Variants in KRABD4 observed in about 807,000 individuals in gnomAD.
KRABD4 encodes KRAB domain-containing protein 4.
At chrX:46,449,065 A>G in the KRABD4 span, among the ~76,000 whole-genome samples, 2 of 112,386 alleles carry the variant, frequency 1.8e-5, no homozygotes, top group Non-Finnish European at 3.8e-5. Flanking sequence ...TACTGTCACA[A>G]TGATTGTTGC....
the KRABD4 span, chrX:46,450,496 T>C: frequency 8.3e-7 from 1 of 1,198,247 alleles, no homozygotes; most frequent in Non-Finnish European, 1.1e-6. Context: ...AATTTACCCA[T>C]ACTTTGTTTC....
the KRABD4 span, chrX:46,473,882 A>C: frequency 8.1e-6 from 1 of 123,577 alleles, no homozygotes; most frequent in Admixed American, 8.0e-5. Context: ...TGAACTCCTG[A>C]CCTCAAGTGA....
chrX:46,465,445 C>T, the KRABD4 span, among the ~76,000 whole-genome samples: 95 of 113,043 alleles, frequency 8.4e-4, no homozygotes, highest in Non-Finnish European at 1.4e-3. Context: ...ACTGTGTACA[C>T]ATTGGTTGGC....
chrX:46,473,262 C>G, the KRABD4 span: 17 of 1,182,226 alleles, frequency 1.4e-5, no homozygotes, highest in East Asian at 5.2e-4. Flanking sequence ...ATGAATGCTG[C>G]GAATGTGCAA....
chrX:46,455,825 A>G, the KRABD4 span: 1 of 346,204 alleles, frequency 2.9e-6, no homozygotes, highest in Non-Finnish European at 5.3e-6. Flanking sequence ...TCTTCCAAAC[A>G]GGCATAGTAA....
At chrX:46,465,835 G>A in the KRABD4 span, among the ~76,000 whole-genome samples, 3 of 111,593 alleles carry the variant, frequency 2.7e-5, no homozygotes, top group Non-Finnish European at 5.6e-5. Context: ...GGAAATAGGA[G>A]ACGGCAATGA....
chrX:46,449,641 C>A, the KRABD4 span, among the ~76,000 whole-genome samples: 1 of 112,409 alleles, frequency 8.9e-6, no homozygotes, highest in African/African-American at 3.2e-5. Flanking sequence ...TGCTTTTAAA[C>A]ACATTAGGAA....
chrX:46,462,658 G>A, the KRABD4 span: 3 of 1,199,962 alleles, frequency 2.5e-6, no homozygotes, highest in East Asian at 8.9e-5. Flanking sequence ...CTCCTAGAGG[G>A]CACAGAGTAA....
the KRABD4 span, chrX:46,472,864 C>T: frequency 8.3e-7 from 1 of 1,211,473 alleles, no homozygotes; most frequent in Non-Finnish European, 1.1e-6. Context: ...GGTCAAGAAT[C>T]CAGAACATGT....
At chrX:46,461,129 C>G in the KRABD4 span, among the ~76,000 whole-genome samples, 1 of 109,351 alleles carries the variant, frequency 9.1e-6, no homozygotes, top group Non-Finnish European at 1.9e-5. Context: ...AAAATTGACT[C>G]TGGATTGGTA....
chrX:46,449,385 A>G, the KRABD4 span, among the ~76,000 whole-genome samples: 1 of 111,688 alleles, frequency 9.0e-6, no homozygotes, highest in Non-Finnish European at 1.9e-5. Flanking sequence ...ACTTATACAC[A>G]CTTGCAGAGG....
chrX:46,457,924 T>C, the KRABD4 span, among the ~76,000 whole-genome samples: 1 of 110,482 alleles, frequency 9.1e-6, no homozygotes. Flanking sequence ...GTATTTTTAG[T>C]AGAGATGAGG....
the KRABD4 span, among the ~76,000 whole-genome samples, chrX:46,457,954 C>G: frequency 9.0e-6 from 1 of 111,042 alleles, no homozygotes. Flanking sequence ...GTTGGCCAGT[C>G]TGGTGTCAAA....
At chrX:46,459,952 C>G in the KRABD4 span, among the ~76,000 whole-genome samples, 1 of 112,045 alleles carries the variant, frequency 8.9e-6, no homozygotes, top group Admixed American at 9.4e-5. Context: ...TGAGCTCCCA[C>G]AGGTTGAGGG....
At chrX:46,462,647 T>G in the KRABD4 span, 18 of 1,193,994 alleles carry the variant, frequency 1.5e-5, no homozygotes, top group Non-Finnish European at 2.0e-5. Context: ...CTGTCAAGTT[T>G]CTCCTAGAGG....
the KRABD4 span, chrX:46,455,346 A>G: frequency 7.9e-6 from 4 of 503,858 alleles, no homozygotes; most frequent in African/African-American, 2.4e-5. Flanking sequence ...TATCATCTAC[A>G]TAAGCTTCTA....
chrX:46,464,278 A>G, the KRABD4 span, among the ~76,000 whole-genome samples: 1 of 111,399 alleles, frequency 9.0e-6, no homozygotes, highest in Admixed American at 9.5e-5. Flanking sequence ...GAATGCTATT[A>G]CTCTTCAGAG....
chrX:46,466,625 A>G, the KRABD4 span, among the ~76,000 whole-genome samples: 2 of 112,748 alleles, frequency 1.8e-5, no homozygotes, highest in Middle Eastern at 4.6e-3. Context: ...ATAAAACAAA[A>G]TGCCCTTATG....
the KRABD4 span, among the ~76,000 whole-genome samples, chrX:46,459,334 AAAAG>A: frequency 9.1e-6 from 1 of 110,414 alleles, no homozygotes; most frequent in Non-Finnish European, 1.9e-5. Flanking sequence ...AGAAAAAAAA[AAAAG>A]AAATTTCTGA....
Sources: gnomAD v4.1 joint callset for allele counts (sites outside exome capture counted in the v4.1 genomes callset) on GRCh38, gnomAD v4.1.1 for gene constraint, MANE v1.5 for transcripts, NCBI Gene and HGNC (gene_info 2026-07-23, HGNC 2026-07-21) for gene names.